The following PCDH1 variants were observed in gnomAD, a reference collection of about 807,000 sequenced individuals.
PCDH1 encodes protocadherin-1.
Under a neutral mutation model 74.6 loss-of-function variants are expected in PCDH1, and 23 were observed. The ratio of observed to expected loss-of-function variants is 0.31; its 90% CI spans 0.22 to 0.44. The LOEUF (loss-of-function observed/expected upper bound fraction) is 0.44. Ranked by LOEUF, PCDH1 falls within the 20% of genes least tolerant of loss-of-function variation. The probability of loss-of-function intolerance (pLI) is 1.00; values close to 1 mark genes in which losing one functional copy is unlikely to be tolerated. For missense variants in PCDH1, 1,214 were observed against 1,641.4 expected, an observed-to-expected ratio of 0.74 and a Z score of 4.50; for synonymous variants, 647 against 686.1, an observed-to-expected ratio of 0.94 and a Z score of 0.89.
chr5:141,854,278 C>A lies in PCDH1; in HGVS notation c.3478G>T (p.Asp1160Tyr). ...LKLSTFVPYQ[D>Y]RGGQEPAGAG... ...CCCGCAGGCTCCTGCCCTCCTCGGT[C>A]CTGGTAAGGCACGAAGGTGGAGAGT... The change falls in exon 5 of 5, where the codon GAC (aspartate) becomes TAC (tyrosine). Residue 1160 changes from aspartate to tyrosine, a missense_variant. Physicochemically the swap from Asp to Tyr is radical, Grantham distance 160. Coordinates refer to ENST00000287008, the MANE Select transcript of PCDH1 (RefSeq NM_032420.5). 1 of 1,613,628 alleles carries A rather than the reference C, an allele frequency of 6.2e-7. No individual in the cohort carries two copies. The highest frequency in any genetic ancestry group is 8.5e-7 in the Non-Finnish European group (1 of 1,179,818).
At chr5:141,866,067 C>A (rs1228017958) in intron 2 of PCDH1, 1 of 985,582 alleles carries the variant, frequency 1.0e-6, no homozygotes, top group African/African-American at 1.7e-5. Flanking sequence ...TGAGTAAAGA[C>A]TCACATGCCC....
chr5:141,866,357 G>T (rs1276316401), intron 2 of PCDH1, among the ~76,000 whole-genome samples: 1 of 152,240 alleles, frequency 6.6e-6, no homozygotes, highest in Non-Finnish European at 1.5e-5. Context: ...CTGTCCCTCT[G>T]CAGTCAGCGG....
At chr5:141,856,546 T>C (rs1172490916) in intron 4 of PCDH1, among the ~76,000 whole-genome samples, 3 of 152,088 alleles carry the variant, frequency 2.0e-5, no homozygotes, top group Admixed American at 6.5e-5. Context: ...CAGGCTGCCA[T>C]GGACGACTTC....
At chr5:141,857,004 T>C (rs1157983598) in intron 4 of PCDH1, among the ~76,000 whole-genome samples, 2 of 152,216 alleles carry the variant, frequency 1.3e-5, no homozygotes, top group African/African-American at 4.8e-5. Flanking sequence ...TCTAGATGTA[T>C]GACTTTGGGC....
At chr5:141,867,657 C>T (rs989478556) in intron 2 of PCDH1, 6 of 443,474 alleles carry the variant, frequency 1.4e-5, no homozygotes, top group Admixed American at 1.0e-4. Flanking sequence ...CCATCTCCCA[C>T]TTTGGCTTGA....
At chr5:141,857,621 C>A in intron 3 of PCDH1, 150 bp from the exon 4 acceptor site, 1 of 626,454 alleles carries the variant, frequency 1.6e-6, no homozygotes, top group Non-Finnish European at 2.7e-6. Context: ...CACATTCCTC[C>A]CGAAAGCACA....
Position 141,857,262 on chromosome 5 carries a change from G to A in PCDH1, c.3309C>T (p.His1103=). ...TPDGSIGEME[H]PENDLRPLPD... ...GGTGCTGCGCCTCACCATTCTCGGGGTGCTCCATCTCTCCTATGCTGCCAT... is the reference window on the plus strand; with the variant it reads ...GGTGCTGCGCCTCACCATTCTCGGGATGCTCCATCTCTCCTATGCTGCCAT... The change falls in exon 4 of 5, where the codon CAC becomes CAT. Residue 1103 remains histidine, a synonymous_variant. Coordinates refer to ENST00000287008, the MANE Select transcript of PCDH1 (RefSeq NM_032420.5). 1.3e-6 allele frequency: 2 copies of A among 1,580,308 alleles called. No homozygotes were observed. The highest frequency in any genetic ancestry group is 1.9e-4 in the Middle Eastern group (1 of 5,228).
Position 141,878,243 on chromosome 5 carries a change from C to T in PCDH1, c.20G>A (p.Gly7Asp). 1.5e-6 allele frequency: 2 copies of T among 1,368,822 alleles called. No homozygotes were observed. Among genetic ancestry groups the T allele is most frequent in the South Asian group, 1.7e-5 (1 of 60,352 alleles). The allele number at this position is 1,368,822 out of a possible 1,614,324, so 84.8% of individuals were successfully genotyped here. Residue 7 changes from glycine to aspartate, a missense_variant, in exon 1 of 5, where the codon GGC (glycine) becomes GAC (aspartate). Around this residue, in one of 4 missense-constraint regions of PCDH1, gnomAD observed 87 missense variants for 87.7 expected, o/e 0.99. Transcript: ENST00000287008. This position sits in a 1 kb window ranked among gnomAD's most constrained non-coding sequence, Gnocchi z 5.5. ...CTTACCCGCCTCCGGGCAGCGCCGG[C>T]CGCCCGCCCCGCTGTCCATGAGCCG... MDSGAG[G>D]RRCPEAALLI...
rs2126819313 is a variant in PCDH1 at position 141,865,349 on chromosome 5, G to A, written c.982C>T (p.Arg328Cys). The change falls in exon 3 of 5, where the codon CGT becomes TGT. Residue 328 changes from arginine to cysteine, a missense_variant. Arg to Cys is a radical substitution (Grantham distance 180, BLOSUM62 -3). Around this residue, in one of 4 missense-constraint regions of PCDH1, gnomAD observed 836 missense variants for 1,182.2 expected, o/e 0.71. Transcript: ENST00000287008. This position sits in a 1 kb window ranked among gnomAD's most constrained non-coding sequence, Gnocchi z 4.4. ...TFHQAPEVVR[R>C]LLRLDRNTGL... ...GTGTTCCTGTCCAGTCGAAGAAGAC[G>A]CCTCACAACTTCGGGCGCCTGGTGG... 1 of 1,614,106 alleles carries A rather than the reference G, an allele frequency of 6.2e-7. No homozygotes were observed. The highest frequency in any genetic ancestry group is 8.5e-7 in the Non-Finnish European group (1 of 1,180,008).
rs1432992275 is a variant in PCDH1 at position 141,854,446 on chromosome 5, G to A, written c.3320-10C>T. 6.3e-7 allele frequency: 1 copy of A among 1,590,016 alleles called. No individual in the cohort carries two copies. Among genetic ancestry groups the A allele is most frequent in the Non-Finnish European group, 8.6e-7 (1 of 1,166,742 alleles). Reference sequence around the variant, plus strand: ...GGCAAAGGGCGAAGGTCTGTAGGAGGGAGCGGGGAAGGACAATTGTCAGAC... The same window carrying A: ...GGCAAAGGGCGAAGGTCTGTAGGAGAGAGCGGGGAAGGACAATTGTCAGAC... On this transcript the variant is annotated splice_polypyrimidine_tract_variant and intron_variant, in intron 4 of 4. Coordinates refer to ENST00000287008, the MANE Select transcript of PCDH1 (RefSeq NM_032420.5).
In PCDH1 at chr5:141,863,883, C is replaced by T. The variant is rs1752686776; in HGVS notation, c.2448G>A (p.Leu816=). 3 of 1,614,164 alleles carry T rather than the reference C, an allele frequency of 1.9e-6. No individual in the cohort carries two copies. The highest frequency in any genetic ancestry group is 2.5e-6 in the Non-Finnish European group (3 of 1,180,018). Residue 816 remains leucine, a synonymous_variant, in exon 3 of 5, where the codon CTG becomes CTA. Coordinates refer to ENST00000287008, the MANE Select transcript of PCDH1 (RefSeq NM_032420.5). The surrounding 1 kb of genome is among the most constrained non-coding windows in gnomAD (Gnocchi z 7.5). ...GGGTCTCCAGCAGCGTGCGGTTGGC[C>T]AGAGTCTCATTGACATAAAGATGGA... ...ALVHLYVNET[L]ANRTLLETLL...
intron 3 of PCDH1, among the ~76,000 whole-genome samples, chr5:141,857,865 A>T (rs1752410539): frequency 6.6e-6 from 1 of 152,172 alleles, no homozygotes; most frequent in Admixed American, 6.5e-5. Context: ...AATACGGTGT[A>T]GAGCCCAATA....
intron 1 of PCDH1, among the ~76,000 whole-genome samples, chr5:141,873,834 A>G (rs1753156515): frequency 1.3e-5 from 2 of 152,294 alleles, no homozygotes; most frequent in South Asian, 4.1e-4. Flanking sequence ...CTAAGATTTT[A>G]TCAGTACTAA....
chr5:141,870,387 T>C (rs1203476745), intron 1 of PCDH1, among the ~76,000 whole-genome samples: 3 of 152,156 alleles, frequency 2.0e-5, no homozygotes, highest in South Asian at 4.1e-4. Context: ...CAGGTCAAGA[T>C]TGGGGTCAGA....
intron 3 of PCDH1, among the ~76,000 whole-genome samples, chr5:141,860,539 T>TC (rs1277226245): frequency 1.3e-5 from 2 of 150,636 alleles, no homozygotes; most frequent in Non-Finnish European, 3.0e-5. Context: ...TCTAACAGGT[T>TC]CCCCCTTTTT....
chr5:141,869,801 C>A lies in PCDH1; in HGVS notation c.41-370G>T, dbSNP rs919978205. On this transcript the variant is annotated intron_variant, in intron 1 of 4. Transcript: ENST00000287008. This position sits in a 1 kb window ranked among gnomAD's most constrained non-coding sequence, Gnocchi z 4.9. ...TGCTTCACCCAACACCTCCTTCTCA[C>A]GAGCATCCTGCCTTAGTCACCGATG... is the stretch of plus-strand genomic sequence containing the variant. 1.2e-5 allele frequency: 12 copies of A among 985,308 alleles called. No homozygotes were observed. Among genetic ancestry groups the A allele is most frequent in the Non-Finnish European group, 1.4e-5 (12 of 829,924 alleles). 61.0% of individuals were successfully genotyped at this position (985,308 alleles called of 1,614,324 possible). A position where few individuals can be genotyped will look rare whatever the true frequency, so the allele number is the denominator to read the frequency against.
At chr5:141,858,986 A>C (rs1200985407) in intron 3 of PCDH1, among the ~76,000 whole-genome samples, 3 of 152,036 alleles carry the variant, frequency 2.0e-5, no homozygotes, top group African/African-American at 7.2e-5. Flanking sequence ...CCTCCCCACT[A>C]TCCCCATTCC....
intron 4 of PCDH1, among the ~76,000 whole-genome samples, chr5:141,855,746 T>C (rs1425960464): frequency 6.6e-6 from 1 of 151,940 alleles, no homozygotes; most frequent in Non-Finnish European, 1.5e-5. Flanking sequence ...CCCACCTCAC[T>C]CTGGCCCCTA....
At position 141,878,120 on chromosome 5, in the gene PCDH1, C is replaced by T; in HGVS notation, c.40+103G>A. 1 of 1,114,524 alleles carries T rather than the reference C, an allele frequency of 9.0e-7. No individual in the cohort carries two copies. The highest frequency in any genetic ancestry group is 1.2e-6 in the Non-Finnish European group (1 of 844,548). 69.0% of individuals were successfully genotyped at this position (1,114,524 alleles called of 1,614,324 possible). A position where few individuals can be genotyped will look rare whatever the true frequency, so the allele number is the denominator to read the frequency against. ...CCCTCGCGCCGAGCTCGTGTTGGGC[C>T]CCCGCGGCCTCGCTCCGCCGAGCGC... is the stretch of plus-strand genomic sequence containing the variant. On this transcript the variant is annotated intron_variant, in intron 1 of 4. Transcript: ENST00000287008. The surrounding 1 kb of genome is among the most constrained non-coding windows in gnomAD (Gnocchi z 5.5).
Sources: gnomAD v4.1 joint callset for allele counts (sites outside exome capture counted in the v4.1 genomes callset) on GRCh38, gnomAD v4.1.1 for gene constraint, gnomAD v4.1.1 regional missense constraint, Gnocchi (gnomAD v3.1) non-coding constraint, MANE v1.5 for transcripts, NCBI Gene and HGNC (gene_info 2026-07-23, HGNC 2026-07-21) for gene names.